The following MCC variants were observed in gnomAD, a reference collection of about 807,000 sequenced individuals.
MCC encodes MCC regulator of Wnt signaling pathway.
In MCC, 90 loss-of-function variants were observed where a neutral mutation model predicts 116.2. That is an observed-to-expected ratio of 0.77 (90% CI 0.65 to 0.92). MCC has a LOEUF of 0.92. MCC is among the 40% of genes least tolerant of loss of function. The pLI is 0.00. For synonymous variants in MCC, 578 were observed against 510.5 expected (o/e 1.13, Z -1.78); for missense variants, 1,516 against 1,312.2 (o/e 1.16, Z -2.40).
At chr5:113,259,213 C>A (rs1010388165) in intron 3 of MCC, among the ~76,000 whole-genome samples, 1 of 152,240 alleles carries the variant, frequency 6.6e-6, no homozygotes, top group African/African-American at 2.4e-5. Context: ...ACCAAAGTGA[C>A]TCCATTAGAG....
At chr5:113,090,059 T>A (rs574002831) in intron 8 of MCC, among the ~76,000 whole-genome samples, 1 of 152,064 alleles carries the variant, frequency 6.6e-6, no homozygotes, top group African/African-American at 2.4e-5. Flanking sequence ...ACTGGATAGA[T>A]AGATTTAGGA....
Position 113,143,366 on chromosome 5 carries a change from A to C in MCC, c.742-6T>G, listed in dbSNP as rs1378434239. ...ATGAGGTGGGACTGCTCGCACTGGG[A>C]ATAAGGGAAAAGGACAGAAGTGCTG... On this transcript the variant is annotated splice_polypyrimidine_tract_variant and splice_region_variant and intron_variant, in intron 4 of 18. Coordinates refer to ENST00000408903, the MANE Select transcript of MCC (RefSeq NM_001085377.2). The C allele has an allele frequency of 1.4e-5, 23 of 1,613,438 alleles. No homozygotes were observed. Among genetic ancestry groups the C allele is most frequent in the Non-Finnish European group, 1.9e-5 (22 of 1,179,878 alleles).
intron 1 of MCC, among the ~76,000 whole-genome samples, chr5:113,431,420 C>T (rs1192427859): frequency 6.6e-6 from 1 of 152,102 alleles, no homozygotes; most frequent in Non-Finnish European, 1.5e-5. Context: ...CTCTCCTGGG[C>T]ACCAGTCATA....
chr5:113,071,884 G>T (rs751046564), intron 11 of MCC, among the ~76,000 whole-genome samples: 1 of 152,144 alleles, frequency 6.6e-6, no homozygotes, highest in Non-Finnish European at 1.5e-5. Context: ...GGAAATGGAC[G>T]AGGAGCTATG....
At chr5:113,032,840 C>A (rs1482225594) in intron 17 of MCC, among the ~76,000 whole-genome samples, 2 of 152,190 alleles carry the variant, frequency 1.3e-5, no homozygotes, top group Non-Finnish European at 2.9e-5. Flanking sequence ...CAAGAATGAC[C>A]TCTAATCGTC....
intron 3 of MCC, among the ~76,000 whole-genome samples, chr5:113,308,286 C>T (rs999337850): frequency 1.3e-5 from 2 of 152,168 alleles, no homozygotes; most frequent in South Asian, 4.1e-4. Flanking sequence ...CTCTGAAGTC[C>T]TTCAGCACTC....
intron 3 of MCC, among the ~76,000 whole-genome samples, chr5:113,260,238 C>T (rs6594695): frequency 6.6e-6 from 1 of 152,016 alleles, no homozygotes; most frequent in Non-Finnish European, 1.5e-5. Flanking sequence ...TCAAAATTAA[C>T]AAATTTTTAA....
At chr5:113,294,678 C>G (rs1217667673) in intron 3 of MCC, 2 of 1,045,688 alleles carry the variant, frequency 1.9e-6, no homozygotes, top group African/African-American at 3.4e-5. Flanking sequence ...GCGCACCCAG[C>G]GCCCCGTTCC....
At chr5:113,437,341 T>C (rs1467522256) in intron 1 of MCC, among the ~76,000 whole-genome samples, 1 of 152,144 alleles carries the variant, frequency 6.6e-6, no homozygotes, top group Non-Finnish European at 1.5e-5. Flanking sequence ...TTACACACAG[T>C]CATAAACACT....
intron 3 of MCC, among the ~76,000 whole-genome samples, chr5:113,272,916 A>C (rs1189499654): frequency 6.6e-6 from 1 of 152,230 alleles, no homozygotes; most frequent in African/African-American, 2.4e-5. Context: ...GGCAGCACAG[A>C]ATCACAAAAA....
chr5:113,459,949 T>A lies in MCC; in HGVS notation c.170+28296A>T, dbSNP rs746702882. On this transcript the variant is annotated intron_variant, in intron 1 of 18. Coordinates refer to ENST00000408903, the MANE Select transcript of MCC (RefSeq NM_001085377.2). Reference sequence around the variant, plus strand: ...TACTTAAAGAAAGGACAAGTAAACATCCTAGGGCAAGGAATCAAGCTGGAA... The same window carrying A: ...TACTTAAAGAAAGGACAAGTAAACAACCTAGGGCAAGGAATCAAGCTGGAA... 4.0e-5 allele frequency among the ~76,000 whole-genome samples: 6 copies of A among 151,882 alleles called. No homozygotes were observed. In the South Asian group the frequency reaches 6.2e-4, roughly 16 times the overall value.
rs200685350 is a variant in MCC, at chr5:113,434,218, T to C, written c.171-49006A>G. ...TAGGGCATGGAGCCGCAGACCATGA[T>C]GTAGAGGATCACGCCTAGGCTCCAG... On this transcript the variant is annotated intron_variant, in intron 1 of 18. Transcript: ENST00000408903. The surrounding 1 kb of genome is among the most constrained non-coding windows in gnomAD (Gnocchi z 4.2). 10 of 1,613,918 alleles carry C rather than the reference T, an allele frequency of 6.2e-6. No individual in the cohort carries two copies. The highest frequency in any genetic ancestry group is 3.3e-5 in the South Asian group (3 of 91,076).
Position 113,155,877 on chromosome 5 carries a change from C to T in MCC, c.628-4455G>A, listed in dbSNP as rs1193893995. ...TCAGCGAAAATATTCCAGTTCCCATCCTTCAGTGTAGTTTGCGCTAGGTAT... is the reference window on the plus strand; with the variant it reads ...TCAGCGAAAATATTCCAGTTCCCATTCTTCAGTGTAGTTTGCGCTAGGTAT... On this transcript the variant is annotated intron_variant, in intron 3 of 18. Coordinates refer to ENST00000408903, the MANE Select transcript of MCC (RefSeq NM_001085377.2). 3.9e-5 allele frequency among the ~76,000 whole-genome samples: 6 copies of T among 152,298 alleles called. No homozygotes were observed. The South Asian group carries it at 6.2e-4, about 16-fold the overall frequency.
At chr5:113,201,400 A>C (rs1394093499) in intron 3 of MCC, among the ~76,000 whole-genome samples, 3 of 151,512 alleles carry the variant, frequency 2.0e-5, no homozygotes, top group African/African-American at 7.3e-5. Context: ...AAAAAAAAAA[A>C]AAAAACAAAG....
intron 3 of MCC, among the ~76,000 whole-genome samples, chr5:113,287,023 CT>C (rs35450175): frequency 0.098 from 13,969 of 142,812 alleles, 1,052 homozygotes; most frequent in Admixed American, 0.25. Flanking sequence ...TTGCTTTTTT[CT>C]TTTTTTCACC....
chr5:113,424,953 T>C (rs753853001), intron 1 of MCC, among the ~76,000 whole-genome samples: 4 of 151,776 alleles, frequency 2.6e-5, no homozygotes, highest in African/African-American at 7.3e-5. Context: ...CCAAATTACA[T>C]TGGATGAATT....
At chr5:113,305,604 G>C (rs528538233) in intron 3 of MCC, among the ~76,000 whole-genome samples, 1 of 151,954 alleles carries the variant, frequency 6.6e-6, no homozygotes, top group African/African-American at 2.4e-5. Context: ...CACTTTTACC[G>C]CTTAGCAGCA....
chr5:113,484,919 G>A (rs1772474802), intron 1 of MCC, among the ~76,000 whole-genome samples: 1 of 152,170 alleles, frequency 6.6e-6, no homozygotes, highest in South Asian at 2.1e-4. Flanking sequence ...TTAATGAAAT[G>A]CACTGAAAGA....
At chr5:113,203,955 T>C (rs1233869203) in intron 3 of MCC, among the ~76,000 whole-genome samples, 1 of 152,100 alleles carries the variant, frequency 6.6e-6, no homozygotes. Flanking sequence ...CAAACCAAAT[T>C]TGAGGAGAGA....
Sources: gnomAD v4.1 joint callset for allele counts (sites outside exome capture counted in the v4.1 genomes callset) on GRCh38, gnomAD v4.1.1 for gene constraint, Gnocchi (gnomAD v3.1) non-coding constraint, MANE v1.5 for transcripts, NCBI Gene and HGNC (gene_info 2026-07-23, HGNC 2026-07-21) for gene names.